The following GPR155 variants were observed in gnomAD, a reference collection of about 807,000 sequenced individuals.
GPR155 encodes the protein lysosomal cholesterol signaling protein.
A neutral mutation model predicts 93.1 loss-of-function variants in GPR155; 65 were observed. The observed-to-expected ratio is 0.70, with a 90% CI of 0.57 to 0.86. GPR155 has a LOEUF of 0.86. GPR155 is among the 40% of genes least tolerant of loss of function. The pLI, the probability that GPR155 is intolerant of heterozygous loss-of-function variation, is 0.00. For synonymous variants in GPR155, 319 were observed against 360.1 expected, an observed-to-expected ratio of 0.89 and a Z score of 1.29; for missense variants, 838 against 1,034.8, an observed-to-expected ratio of 0.81 and a Z score of 2.61.
Position 174,443,833 on chromosome 2 carries a change from G to A in GPR155, c.2109+1248C>T, listed in dbSNP as rs1365842594. Among the ~76,000 whole-genome samples, 5 of 152,094 alleles carry A rather than the reference G, an allele frequency of 3.3e-5. No individual in the cohort carries two copies. The South Asian group carries it at 8.3e-4, about 25-fold the overall frequency. Reference sequence around the variant, plus strand: ...TTATCCTTAAGTATCCATTTTAATAGTGACATAAACATAGACAATAGCACC... The same window carrying A: ...TTATCCTTAAGTATCCATTTTAATAATGACATAAACATAGACAATAGCACC... On this transcript the variant is annotated intron_variant, in intron 13 of 15. Transcript: ENST00000392552.
intron 2 of GPR155, among the ~76,000 whole-genome samples, chr2:174,474,399 TAGAA>T (rs1324542530): frequency 6.6e-6 from 1 of 152,140 alleles, no homozygotes; most frequent in African/African-American, 2.4e-5. Context: ...GGAGTAGAGA[TAGAA>T]AGGTGGATCT....
intron 12 of GPR155, among the ~76,000 whole-genome samples, chr2:174,446,318 A>G (rs1559099879): frequency 6.6e-4 from 1 of 1,506 alleles, no homozygotes; most frequent in Non-Finnish European, 2.0e-3. Flanking sequence ...AAAAAAAAAA[A>G]AATAAAAAAT....
At chr2:174,466,808 A>G (rs1687851617) in intron 5 of GPR155, among the ~76,000 whole-genome samples, 181 bp from the exon 6 acceptor site, 1 of 152,224 alleles carries the variant, frequency 6.6e-6, no homozygotes, top group South Asian at 2.1e-4. Flanking sequence ...ATGTAAAATA[A>G]CAAGCATGGA....
At chr2:174,476,205 A>G (rs1050248339) in intron 2 of GPR155, among the ~76,000 whole-genome samples, 2 of 152,190 alleles carry the variant, frequency 1.3e-5, no homozygotes, top group Non-Finnish European at 2.9e-5. Context: ...GATTTTCTCA[A>G]CCACCTTCTT....
intron 10 of GPR155, among the ~76,000 whole-genome samples, chr2:174,457,080 C>T (rs13390988): frequency 0.041 from 6,298 of 152,144 alleles, 444 homozygotes; most frequent in African/African-American, 0.14. Context: ...GGGAGGCTGA[C>T]GCAGGCAGAT....
chr2:174,485,334 C>A (rs1054329493), intron 1 of GPR155, among the ~76,000 whole-genome samples: 16 of 152,138 alleles, frequency 1.1e-4, no homozygotes, highest in Non-Finnish European at 1.8e-4. Flanking sequence ...CAGTGGCTCA[C>A]GCCTGTAATC....
chr2:174,444,774 G>A (rs1687067159), intron 13 of GPR155, among the ~76,000 whole-genome samples: 1 of 152,048 alleles, frequency 6.6e-6, no homozygotes, highest in African/African-American at 2.4e-5. Context: ...GGGGTTACAG[G>A]TGTGAGCCAA....
intron 10 of GPR155, among the ~76,000 whole-genome samples, chr2:174,457,411 C>T (rs998654309): frequency 6.6e-6 from 1 of 152,194 alleles, no homozygotes; most frequent in Non-Finnish European, 1.5e-5. Context: ...CAAATCAAGA[C>T]ACAAAGAAAT....
chr2:174,475,562 CA>C lies in GPR155; in HGVS notation c.461-2199del, dbSNP rs1349160062. ...GTAAATTCAAGATCTATAATATCTC[CA>C]AAATGAAGCAGTGGCTAAAAAATAT... On this transcript the variant is annotated intron_variant, in intron 2 of 15. Coordinates refer to ENST00000392552, the MANE Select transcript of GPR155 (RefSeq NM_152529.7). 5.9e-5 allele frequency among the ~76,000 whole-genome samples: 9 copies of C among 151,994 alleles called. No individual in the cohort carries two copies. The East Asian group carries it at 1.7e-3, about 29-fold the overall frequency.
intron 10 of GPR155, among the ~76,000 whole-genome samples, chr2:174,455,641 A>AG (rs1193444842): frequency 2.6e-5 from 4 of 152,062 alleles, no homozygotes; most frequent in Admixed American, 6.6e-5. Context: ...CAGGGGGAGG[A>AG]GGGGGACCCT....
In GPR155 at chr2:174,466,603, A is replaced by G. The variant is rs1383340187; in HGVS notation, c.1207T>C (p.Leu403=). ...SLIWSLAILL[L]SKKYKQLPHM... Reference sequence around the variant, plus strand: ...GGAAGCTGTTTATATTTCTTACTCAAAAGAAGAATAGCCAGAGACCAGATC... The same window carrying G: ...GGAAGCTGTTTATATTTCTTACTCAGAAGAAGAATAGCCAGAGACCAGATC... The change falls in exon 6 of 16, where the codon TTG becomes CTG. Residue 403 remains leucine, a synonymous_variant. Transcript: ENST00000392552. The G allele has an allele frequency of 1.3e-6, 2 of 1,588,914 alleles. No homozygotes were observed. Among genetic ancestry groups the G allele is most frequent in the Non-Finnish European group, 1.7e-6 (2 of 1,160,242 alleles).
chr2:174,481,765 G>A lies in GPR155; in HGVS notation c.192C>T (p.Val64=). The change falls in exon 2 of 16, where the codon GTC becomes GTT. Residue 64 remains valine, a synonymous_variant. Coordinates refer to ENST00000392552, the MANE Select transcript of GPR155 (RefSeq NM_152529.7). The part of the protein sequence containing the change: ...LCGYIAGRAN[V]ITSTQAKGLG... Reference sequence around the variant, plus strand: ...GTCCTTTGGCCTGGGTTGATGTTATGACATTGGCCCTTCCTGCTATGTAGC... The same window carrying A: ...GTCCTTTGGCCTGGGTTGATGTTATAACATTGGCCCTTCCTGCTATGTAGC... 6.2e-7 allele frequency: 1 copy of A among 1,614,150 alleles called. No homozygotes were observed. Among genetic ancestry groups the A allele is most frequent in the Non-Finnish European group, 8.5e-7 (1 of 1,180,000 alleles).
intron 12 of GPR155, among the ~76,000 whole-genome samples, 172 bp downstream of exon 12, chr2:174,446,439 A>AT (rs1687132355): frequency 1.3e-5 from 2 of 152,108 alleles, no homozygotes; most frequent in African/African-American, 4.8e-5. Flanking sequence ...AATGTGAATG[A>AT]TTCATCTCTT....
chr2:174,484,348 C>T lies in GPR155; in HGVS notation c.-31-2361G>A, dbSNP rs115361661. 6.6e-3 allele frequency among the ~76,000 whole-genome samples: 1,008 copies of T among 152,278 alleles called. 5 individuals are homozygous for T. The highest frequency in any genetic ancestry group is 0.011 in the Non-Finnish European group (723 of 68,006). ...CGTTAAACATTTGGAGCCCTTAAGA[C>T]GGTGTGTACTTGGAAAGGCAGTGCT... On this transcript the variant is annotated intron_variant, in intron 1 of 15. Transcript: ENST00000392552.
In GPR155 at chr2:174,436,128, G is replaced by A. The variant is rs750998925; in HGVS notation, c.2601C>T (p.Ser867=). ...TCCCCTGCATAATTTAGGTCTTAGG[G>A]GAATGTGAGGGTGGGGATGAATGCT... ...EIEHSSPPSH[S]PKT is the part of the protein sequence containing the mutation. The change falls in exon 16 of 16, where the codon TCC becomes TCT. Residue 867 remains serine, a synonymous_variant. Transcript: ENST00000392552. The A allele has an allele frequency of 2.5e-6, 4 of 1,612,710 alleles. No homozygotes were observed. Among genetic ancestry groups the A allele is most frequent in the East Asian group, 2.2e-5 (1 of 44,876 alleles).
chr2:174,465,637 G>A (rs923795458), intron 7 of GPR155, 148 bp downstream of exon 7: 7 of 511,084 alleles, frequency 1.4e-5, no homozygotes, highest in African/African-American at 9.6e-5. Context: ...CAGCTTTGCC[G>A]ATGGCCTCTG....
chr2:174,476,586 A>C (rs1688172984), intron 2 of GPR155, among the ~76,000 whole-genome samples: 1 of 152,192 alleles, frequency 6.6e-6, no homozygotes, highest in Non-Finnish European at 1.5e-5. Context: ...CCTGGGCAAC[A>C]GAGTGAGACT....
intron 2 of GPR155, among the ~76,000 whole-genome samples, chr2:174,474,289 T>C (rs1163369536): frequency 6.6e-6 from 1 of 152,162 alleles, no homozygotes; most frequent in Non-Finnish European, 1.5e-5. Context: ...TACCTTCCAC[T>C]GCTCATGTGG....
chr2:174,474,511 TCCCCCCA>T (rs1251646527), intron 2 of GPR155, among the ~76,000 whole-genome samples: 1 of 151,750 alleles, frequency 6.6e-6, no homozygotes, highest in Non-Finnish European at 1.5e-5. Flanking sequence ...AAGCTTCATT[TCCCCCCA>T]CCCCCCATAG....
Sources: gnomAD v4.1 joint callset for allele counts (sites outside exome capture counted in the v4.1 genomes callset) on GRCh38, gnomAD v4.1.1 for gene constraint, MANE v1.5 for transcripts, NCBI Gene and HGNC (gene_info 2026-07-23, HGNC 2026-07-21) for gene names.